ECPAS: variants seen among roughly 807,000 people sequenced by gnomAD.
ECPAS encodes the protein Ecm29 proteasome adaptor and scaffold, also known as proteasome adapter and scaffold protein ECM29.
In ECPAS, 70 loss-of-function variants were observed where a neutral mutation model predicts 255.1. The ratio of observed to expected loss-of-function variants is 0.27; its 90% CI spans 0.23 to 0.33. ECPAS has a LOEUF of 0.33. Ranked by LOEUF, ECPAS falls within the 10% of genes least tolerant of loss-of-function variation. The pLI is 1.00. For synonymous variants in ECPAS, 784 were observed against 775.0 expected, an observed-to-expected ratio of 1.01 and a Z score of -0.19; for missense variants, 1,817 against 2,206.4, an observed-to-expected ratio of 0.82 and a Z score of 3.54.
intron 46 of ECPAS, among the ~76,000 whole-genome samples, chr9:111,368,706 G>C (rs1274218837): frequency 2.0e-5 from 3 of 152,184 alleles, no homozygotes; most frequent in Admixed American, 1.3e-4. Flanking sequence ...CCATTCCCAA[G>C]CCAAGGAGAG....
intron 24 of ECPAS, among the ~76,000 whole-genome samples, chr9:111,404,813 C>CAAAAAA (rs35277070): frequency 3.8e-5 from 2 of 52,818 alleles, no homozygotes; most frequent in Non-Finnish European, 3.3e-5. Flanking sequence ...TAATAGCTAC[C>CAAAAAA]AAAAAAAAAA....
intron 2 of ECPAS, among the ~76,000 whole-genome samples, chr9:111,465,949 G>A (rs1391402634): frequency 6.6e-6 from 1 of 151,728 alleles, no homozygotes; most frequent in Non-Finnish European, 1.5e-5. Flanking sequence ...TGGGAAAATC[G>A]CTTCAGCTCA....
intron 2 of ECPAS, among the ~76,000 whole-genome samples, chr9:111,453,326 A>G (rs963242373): frequency 2.0e-5 from 3 of 152,212 alleles, no homozygotes; most frequent in African/African-American, 7.2e-5. Context: ...CCAAGCAATG[A>G]CGATAGAAGG....
Position 111,440,470 on chromosome 9 carries a change from T to C in ECPAS, c.441A>G (p.Glu147=), listed in dbSNP as rs1371724927. The C allele has an allele frequency of 1.2e-6, 2 of 1,612,704 alleles. No homozygotes were observed. The highest frequency in any genetic ancestry group is 1.7e-6 in the Non-Finnish European group (2 of 1,179,144). The change falls in exon 6 of 50, where the codon GAA becomes GAG. Residue 147 remains glutamate (E), a synonymous_variant. Coordinates refer to ENST00000684092, the MANE Select transcript of ECPAS (RefSeq NM_001364929.1). ...TAAATGGAGAAGCTGATTTTGATGA[T>C]TCAACAGGGTATTTCATGTGAAAAA... The part of the protein sequence containing the change: ...PTLFHMKYPV[E]SSKSASPFNL...
chr9:111,443,239 T>G (rs990321350), intron 4 of ECPAS, among the ~76,000 whole-genome samples: 5 of 152,146 alleles, frequency 3.3e-5, no homozygotes, highest in African/African-American at 1.2e-4. Flanking sequence ...TAAGATTTGC[T>G]TTTCTGAAGC....
At chr9:111,446,214 A>G (rs1033818818) in intron 3 of ECPAS, among the ~76,000 whole-genome samples, 6 of 152,250 alleles carry the variant, frequency 3.9e-5, no homozygotes, top group African/African-American at 1.4e-4. Flanking sequence ...AAGTGGGAAA[A>G]GAGAGCAAAA....
At chr9:111,424,831 T>C (rs2131813293) in intron 12 of ECPAS, among the ~76,000 whole-genome samples, 1 of 152,282 alleles carries the variant, frequency 6.6e-6, no homozygotes, top group South Asian at 2.1e-4. Flanking sequence ...TTTTGCACAA[T>C]AGCTAGAAGT....
At position 111,455,590 on chromosome 9, in the gene ECPAS, C is replaced by T. The variant is rs2098265905; in HGVS notation, c.23-4035G>A. 2.6e-5 allele frequency among the ~76,000 whole-genome samples: 4 copies of T among 152,344 alleles called. No individual in the cohort carries two copies. In the South Asian group the frequency reaches 8.3e-4, roughly 32 times the overall value. On this transcript the variant is annotated intron_variant, in intron 2 of 49. Coordinates refer to ENST00000684092, the MANE Select transcript of ECPAS (RefSeq NM_001364929.1). ...AGGGTTCCCACCATTCCCAGAACTG[C>T]TAAGAGTGGTTCATTGTGCCTGTCT... is the stretch of plus-strand genomic sequence containing the variant.
chr9:111,388,795 A>C (rs775228306), intron 31 of ECPAS, among the ~76,000 whole-genome samples: 8 of 152,094 alleles, frequency 5.3e-5, no homozygotes, highest in Non-Finnish European at 1.2e-4. Context: ...GGTGGTGGTG[A>C]GACACAGATC....
At position 111,428,205 on chromosome 9, in the gene ECPAS, T is replaced by C. The variant is rs74388992; in HGVS notation, c.931-44A>G. 4.4e-3 allele frequency: 6,957 copies of C among 1,572,114 alleles called. 258 individuals carry two copies. In the African/African-American group the frequency reaches 0.082, roughly 19 times the overall value. The stretch of plus-strand genomic sequence containing the variant: ...ATTATAACTCAGCAATTCAAAATTA[T>C]TTTGAACTGAAAATGTCATGAGAAT... On this transcript the variant is annotated intron_variant, in intron 9 of 49. Transcript: ENST00000684092.
intron 23 of ECPAS, 116 bp from the exon 24 acceptor site, chr9:111,408,788 A>G (rs1013483288): frequency 1.3e-5 from 7 of 522,284 alleles, no homozygotes; most frequent in Middle Eastern, 3.5e-4. Context: ...CATCAACGCA[A>G]AAGTTTTTAC....
chr9:111,371,951 C>G (rs545270482), intron 42 of ECPAS, 122 bp from the exon 43 acceptor site: 3 of 702,556 alleles, frequency 4.3e-6, no homozygotes, highest in Non-Finnish European at 4.8e-6. Flanking sequence ...TTAAAACACA[C>G]CACTCTCTCA....
At position 111,371,818 on chromosome 9, in the gene ECPAS, C is replaced by G; in HGVS notation, c.4540G>C (p.Gly1514Arg). The G allele has an allele frequency of 6.2e-7, 1 of 1,610,768 alleles. No individual in the cohort carries two copies. Among genetic ancestry groups the G allele is most frequent in the Middle Eastern group, 1.7e-4 (1 of 6,050 alleles). Residue 1514 changes from glycine to arginine, a missense_variant, in exon 43 of 50, where the codon GGC (glycine) becomes CGC (arginine). Around this residue, in one of 4 missense-constraint regions of ECPAS, gnomAD observed 960 missense variants for 1,179.0 expected, o/e 0.81. Coordinates refer to ENST00000684092, the MANE Select transcript of ECPAS (RefSeq NM_001364929.1). ...WQENVPGSFG[G>R]IRLYLQELIT... Reference sequence around the variant, plus strand: ...AACTCCTGCAGGTATAATCGAATGCCACCAAAGGATCCTAGGAAAGCAAAA... The same window carrying G: ...AACTCCTGCAGGTATAATCGAATGCGACCAAAGGATCCTAGGAAAGCAAAA...
chr9:111,427,753 G>A (rs1324996714), intron 10 of ECPAS, among the ~76,000 whole-genome samples: 2 of 152,146 alleles, frequency 1.3e-5, no homozygotes, highest in African/African-American at 4.8e-5. Flanking sequence ...CATCACATGA[G>A]ACCAGGTATG....
chr9:111,456,021 A>G (rs1040880673), intron 2 of ECPAS, among the ~76,000 whole-genome samples: 1 of 152,178 alleles, frequency 6.6e-6, no homozygotes, highest in African/African-American at 2.4e-5. Context: ...TTTTCTTTCA[A>G]GTACACTTAT....
chr9:111,377,792 C>T (rs768900191), intron 36 of ECPAS, among the ~76,000 whole-genome samples: 1 of 152,180 alleles, frequency 6.6e-6, no homozygotes, highest in Non-Finnish European at 1.5e-5. Context: ...TATGGGATTA[C>T]TTTCTATCCT....
intron 2 of ECPAS, among the ~76,000 whole-genome samples, chr9:111,454,973 G>A (rs984184268): frequency 4.6e-5 from 7 of 152,138 alleles, no homozygotes; most frequent in Non-Finnish European, 1.0e-4. Flanking sequence ...GGCCTCAAGC[G>A]ATCCTCATAC....
At chr9:111,363,434 T>C (rs1379632596) in intron 49 of ECPAS, among the ~76,000 whole-genome samples, 154 bp downstream of exon 49, 1 of 152,146 alleles carries the variant, frequency 6.6e-6, no homozygotes, top group Non-Finnish European at 1.5e-5. Flanking sequence ...AATTTAATAG[T>C]TTTGGCTTTG....
intron 2 of ECPAS, among the ~76,000 whole-genome samples, chr9:111,458,019 CAT>C (rs1013323994): frequency 8.5e-5 from 13 of 152,256 alleles, no homozygotes; most frequent in South Asian, 2.1e-4. Context: ...TACATACACA[CAT>C]GAGAAACACA....
Sources: allele counts gnomAD v4.1 joint callset (sites outside exome capture counted in the v4.1 genomes callset), GRCh38; gene constraint gnomAD v4.1.1; regional missense constraint gnomAD v4.1.1; transcripts MANE v1.5; gene names NCBI Gene and HGNC (gene_info 2026-07-23, HGNC 2026-07-21).